The following PLPPR1 variants were observed in gnomAD, a reference collection of about 807,000 sequenced individuals.
The protein encoded by PLPPR1 is phospholipid phosphatase-related protein type 1.
In PLPPR1, 10 loss-of-function variants were observed where a neutral mutation model predicts 33.1. The ratio of observed to expected loss-of-function variants is 0.30; its 90% CI spans 0.19 to 0.51. PLPPR1 has a LOEUF of 0.51. Among genes scored for constraint, PLPPR1 ranks in the 20% least tolerant of loss-of-function variants. PLPPR1 has a pLI of 0.97. For missense variants in PLPPR1, 304 were observed against 408.1 expected (o/e 0.74, Z 2.20); for synonymous variants, 151 against 151.0 (o/e 1.00, Z 0.00).
At chr9:101,320,452 T>C (rs1199644579) in intron 7 of PLPPR1, among the ~76,000 whole-genome samples, 3 of 152,206 alleles carry the variant, frequency 2.0e-5, no homozygotes, top group Non-Finnish European at 4.4e-5. Flanking sequence ...TCCCAAAACC[T>C]AAAGTAGACA....
chr9:101,207,984 A>C (rs897179287), intron 2 of PLPPR1, among the ~76,000 whole-genome samples: 2 of 152,158 alleles, frequency 1.3e-5, no homozygotes, highest in African/African-American at 4.8e-5. Flanking sequence ...CCAAATTCTG[A>C]TGCCTCCTGC....
At chr9:101,065,224 A>T (rs893098572) in intron 1 of PLPPR1, among the ~76,000 whole-genome samples, 10 of 151,978 alleles carry the variant, frequency 6.6e-5, no homozygotes, top group Admixed American at 3.3e-4. Context: ...ATAGCACTTA[A>T]CCTCCTCCAT....
chr9:101,289,078 A>G (rs534488207), intron 4 of PLPPR1, among the ~76,000 whole-genome samples: 5 of 152,258 alleles, frequency 3.3e-5, no homozygotes, highest in African/African-American at 1.2e-4. Flanking sequence ...GCCCTCTCCC[A>G]TCATGCTAAA....
chr9:101,059,747 G>A (rs1830321513), intron 1 of PLPPR1, among the ~76,000 whole-genome samples: 1 of 151,908 alleles, frequency 6.6e-6, no homozygotes, highest in Non-Finnish European at 1.5e-5. Context: ...AAAGCAAAGA[G>A]AATTAAAACC....
intron 1 of PLPPR1, among the ~76,000 whole-genome samples, chr9:101,120,014 G>A (rs1831159790): frequency 6.6e-6 from 1 of 152,198 alleles, no homozygotes; most frequent in African/African-American, 2.4e-5. Context: ...GTTAGCAGGT[G>A]TTTCTACTTT....
At chr9:101,295,968 A>C (rs1388392951) in intron 4 of PLPPR1, among the ~76,000 whole-genome samples, 14 of 150,244 alleles carry the variant, frequency 9.3e-5, no homozygotes, top group Non-Finnish European at 2.1e-4. Context: ...TAATTAAACT[A>C]AAGAGCTTCT....
intron 1 of PLPPR1, 57 bp from the exon 2 acceptor site, chr9:101,185,393 A>G: frequency 1.6e-6 from 1 of 637,306 alleles, no homozygotes; most frequent in East Asian, 2.9e-5. Context: ...TTATGTAAGT[A>G]CCTAAGGGAC....
At chr9:101,153,226 G>A (rs1370367885) in intron 1 of PLPPR1, among the ~76,000 whole-genome samples, 2 of 152,176 alleles carry the variant, frequency 1.3e-5, no homozygotes, top group African/African-American at 4.8e-5. Context: ...GAATGCTTGT[G>A]ATTTTTGCAC....
At chr9:101,171,525 CTG>C (rs1380574348) in intron 1 of PLPPR1, among the ~76,000 whole-genome samples, 1 of 152,114 alleles carries the variant, frequency 6.6e-6, no homozygotes, top group Non-Finnish European at 1.5e-5. Context: ...AGCGAAGAGA[CTG>C]TAGAGAAGGG....
intron 1 of PLPPR1, among the ~76,000 whole-genome samples, chr9:101,099,831 A>G (rs1267485036): frequency 1.3e-5 from 2 of 152,110 alleles, no homozygotes; most frequent in Non-Finnish European, 2.9e-5. Flanking sequence ...AATATGGCTC[A>G]CCAGAAAGTG....
chr9:101,268,985 C>CTTAAG (rs916707034), intron 2 of PLPPR1, among the ~76,000 whole-genome samples: 3 of 152,192 alleles, frequency 2.0e-5, no homozygotes, highest in African/African-American at 4.8e-5. Flanking sequence ...TATCCCCCAG[C>CTTAAG]TTAAGTTTCT....
In PLPPR1 at chr9:101,232,963, T is replaced by C. The variant is rs576865281; in HGVS notation, c.64-36917T>C. Among the ~76,000 whole-genome samples, 7 of 152,162 alleles carry C rather than the reference T, an allele frequency of 4.6e-5. No individual in the cohort carries two copies. The East Asian group carries it at 1.4e-3, about 30-fold the overall frequency. On this transcript the variant is annotated intron_variant, in intron 2 of 7. Transcript: ENST00000374874. ...AATAAATATGTGTCTGATCCTACAC[T>C]GAACAACTTTCTTACCTGATCCAAT... is the stretch of plus-strand genomic sequence containing the variant.
chr9:101,047,053 G>A (rs76996029), intron 1 of PLPPR1, among the ~76,000 whole-genome samples: 3,244 of 152,092 alleles, frequency 0.021, 98 homozygotes, highest in East Asian at 0.14. Context: ...TAATGAACAC[G>A]CAGCCTAGAT....
intron 1 of PLPPR1, among the ~76,000 whole-genome samples, chr9:101,088,191 A>G (rs767463107): frequency 5.3e-5 from 8 of 152,138 alleles, no homozygotes; most frequent in Non-Finnish European, 1.0e-4. Flanking sequence ...TTTCTGATAA[A>G]ACGGTGCAGG....
intron 3 of PLPPR1, among the ~76,000 whole-genome samples, chr9:101,278,968 G>T (rs1188971356): frequency 6.6e-6 from 1 of 152,144 alleles, no homozygotes; most frequent in Non-Finnish European, 1.5e-5. Flanking sequence ...AAGCCAATCT[G>T]CAAAGACTGG....
At chr9:101,306,966 A>G (rs1284014415) in intron 4 of PLPPR1, among the ~76,000 whole-genome samples, 2 of 152,226 alleles carry the variant, frequency 1.3e-5, no homozygotes, top group Non-Finnish European at 2.9e-5. Flanking sequence ...ATGATCTGAC[A>G]TGGTCTGTGA....
intron 2 of PLPPR1, among the ~76,000 whole-genome samples, chr9:101,218,233 C>A (rs1467996709): frequency 6.6e-6 from 1 of 152,058 alleles, no homozygotes; most frequent in African/African-American, 2.4e-5. Context: ...GAGATAGCAT[C>A]TTGGAAAGTG....
At chr9:101,304,914 G>A (rs1299331911) in intron 4 of PLPPR1, among the ~76,000 whole-genome samples, 4 of 152,120 alleles carry the variant, frequency 2.6e-5, no homozygotes, top group East Asian at 1.9e-4. Context: ...CTTGGAATGC[G>A]AAATGCCCAT....
chr9:101,287,489 A>C (rs1206738452), intron 4 of PLPPR1, among the ~76,000 whole-genome samples: 1 of 152,172 alleles, frequency 6.6e-6, no homozygotes, highest in African/African-American at 2.4e-5. Flanking sequence ...TAATCTACCC[A>C]AAACCCTGTA....
Sources: gnomAD v4.1 joint callset for allele counts (sites outside exome capture counted in the v4.1 genomes callset) on GRCh38, gnomAD v4.1.1 for gene constraint, MANE v1.5 for transcripts, NCBI Gene and HGNC (gene_info 2026-07-23, HGNC 2026-07-21) for gene names.